MSN: variants seen among roughly 807,000 people sequenced by gnomAD.
The protein encoded by MSN is epididymis luminal protein 70.
MSN carries 2 observed loss-of-function variants against 48.0 expected under a neutral mutation model. That is an observed-to-expected ratio of 0.04 (90% CI 0.02 to 0.13). MSN has a LOEUF of 0.13. Among genes scored for constraint, MSN ranks in the 10% least tolerant of loss-of-function variants. MSN has a pLI of 1.00. For synonymous variants in MSN, 146 were observed against 166.9 expected (o/e 0.87, Z 0.97); for missense variants, 267 against 470.1 (o/e 0.57, Z 3.99).
chrX:65,621,253 A>G (rs2070442468), intron 1 of MSN, among the ~76,000 whole-genome samples: 1 of 111,850 alleles, frequency 8.9e-6, no homozygotes, highest in African/African-American at 3.3e-5. Context: ...ACGTGTGCAA[A>G]CAAGGTTGAT....
At chrX:65,605,595 AGG>A (rs1181943662) in intron 1 of MSN, among the ~76,000 whole-genome samples, 1 of 112,144 alleles carries the variant, frequency 8.9e-6, no homozygotes, top group Non-Finnish European at 1.9e-5. Context: ...CCATCACATG[AGG>A]ACCACAAGCC....
intron 1 of MSN, among the ~76,000 whole-genome samples, chrX:65,679,612 C>T (rs1602784455): frequency 8.9e-6 from 1 of 112,328 alleles, no homozygotes; most frequent in Admixed American, 9.4e-5. Flanking sequence ...GCCTACAAGG[C>T]TGATAGGGAA....
At chrX:65,606,757 G>A (rs1160396966) in intron 1 of MSN, among the ~76,000 whole-genome samples, 1 of 112,685 alleles carries the variant, frequency 8.9e-6, no homozygotes, top group East Asian at 2.8e-4. Flanking sequence ...TAACCTCCAT[G>A]AGAACAGGGA....
intron 1 of MSN, among the ~76,000 whole-genome samples, chrX:65,676,997 A>G (rs1413347281): frequency 9.1e-6 from 1 of 109,783 alleles, no homozygotes; most frequent in African/African-American, 3.3e-5. Flanking sequence ...GCTAATTTTT[A>G]TATTTTTTTT....
At position 65,702,440 on chromosome X, in the gene MSN, C is replaced by T. The variant is rs34559800; in HGVS notation, c.13-14378C>T. 4.8e-3 allele frequency among the ~76,000 whole-genome samples: 505 copies of T among 105,193 alleles called. 4 individuals carry two copies. Among genetic ancestry groups the T allele is most frequent in the South Asian group, 7.6e-3 (17 of 2,233 alleles). The allele number at this position is 105,193 out of a possible 115,157, so 91.3% of individuals were successfully genotyped here. ...CAGCACTTTGGGAGGCAAAGGCGGTCGAATCACTTAAGGCCAGGAGTTCAA... is the reference window on the plus strand; with the variant it reads ...CAGCACTTTGGGAGGCAAAGGCGGTTGAATCACTTAAGGCCAGGAGTTCAA... On this transcript the variant is annotated intron_variant, in intron 1 of 12. Transcript: ENST00000360270.
In MSN at chrX:65,736,885, G is replaced by T. The variant is rs182327269; in HGVS notation, c.1050G>T (p.Arg350Ser). ...GGGAGAAGGAGGAGCTGATGGAGAG[G>T]CTGAAGCAGATCGAGGAACAGACTA... Reference protein sequence around the residue: ...IEREKEELMERLKQIEEQTKK... With the variant: ...IEREKEELMESLKQIEEQTKK... Residue 350 changes from arginine (R) to serine (S), a missense_variant, in exon 9 of 13, where the codon AGG becomes AGT. Physicochemically the swap from Arg to Ser is moderately radical, Grantham distance 110. Transcript: ENST00000360270. 1 of 1,196,847 alleles carries T rather than the reference G, an allele frequency of 8.4e-7. No homozygotes were observed.
chrX:65,662,742 C>G (rs1328674782), upstream of MSN, among the ~76,000 whole-genome samples: 1 of 112,074 alleles, frequency 8.9e-6, no homozygotes, highest in East Asian at 2.8e-4. Context: ...AAATTTTTGT[C>G]TACGTCTCAA....
At chrX:65,661,242 G>A (rs1294006997) in intron 1 of MSN, among the ~76,000 whole-genome samples, 1 of 112,191 alleles carries the variant, frequency 8.9e-6, no homozygotes, top group Non-Finnish European at 1.9e-5. Flanking sequence ...GGGATTACAG[G>A]CATGAGCCAC....
chrX:65,612,086 T>C (rs2070324845), intron 1 of MSN, among the ~76,000 whole-genome samples: 1 of 112,117 alleles, frequency 8.9e-6, no homozygotes, highest in African/African-American at 3.2e-5. Context: ...CCTCCAAAAG[T>C]GTGTTGGAAA....
chrX:65,667,544 C>T, upstream of MSN: 1 of 734,062 alleles, frequency 1.4e-6, no homozygotes. Flanking sequence ...CGGGCCTGGC[C>T]AGGCGGGGCT....
chrX:65,701,884 GA>G (rs1261943817), intron 1 of MSN, among the ~76,000 whole-genome samples: 7 of 111,432 alleles, frequency 6.3e-5, no homozygotes, highest in Non-Finnish European at 1.1e-4. Flanking sequence ...GAGGAGCAGG[GA>G]TAATCCCTGC....
intron 1 of MSN, among the ~76,000 whole-genome samples, chrX:65,695,885 GAGAA>G (rs2071232961): frequency 1.2e-5 from 1 of 83,306 alleles, no homozygotes; most frequent in African/African-American, 2.5e-4. Flanking sequence ...ATGCCTTTGA[GAGAA>G]AGGCATACTT....
At chrX:65,610,484 T>C (rs911541741) in intron 1 of MSN, among the ~76,000 whole-genome samples, 1 of 112,662 alleles carries the variant, frequency 8.9e-6, no homozygotes, top group African/African-American at 3.2e-5. Context: ...ATATACCGTA[T>C]TTTATTTATC....
intron 2 of MSN, among the ~76,000 whole-genome samples, chrX:65,717,755 G>A (rs1225024581): frequency 1.8e-5 from 2 of 111,630 alleles, no homozygotes; most frequent in Non-Finnish European, 3.8e-5. Flanking sequence ...CGATGAAGTG[G>A]AGGTCTGAGT....
At chrX:65,618,402 G>A (rs1451161254) in intron 1 of MSN, among the ~76,000 whole-genome samples, 3 of 111,504 alleles carry the variant, frequency 2.7e-5, no homozygotes, top group African/African-American at 9.8e-5. Context: ...TGTATTGGGT[G>A]CATATATATT....
intron 1 of MSN, among the ~76,000 whole-genome samples, chrX:65,603,862 C>T (rs1037053392): frequency 6.3e-5 from 7 of 111,901 alleles, no homozygotes; most frequent in Non-Finnish European, 1.1e-4. Flanking sequence ...CAGAAGGGAA[C>T]ATATTTGAGA....
chrX:65,650,191 G>A (rs1033205121), intron 1 of MSN, among the ~76,000 whole-genome samples: 1 of 105,673 alleles, frequency 9.5e-6, no homozygotes, highest in Non-Finnish European at 1.9e-5. Flanking sequence ...GGGTTCAAGC[G>A]ATTCTTGCAC....
In MSN at chrX:65,735,251, G is replaced by T; in HGVS notation, c.796-16G>T. On this transcript the variant is annotated splice_polypyrimidine_tract_variant and intron_variant, in intron 7 of 12. Coordinates refer to ENST00000360270, the MANE Select transcript of MSN (RefSeq NM_002444.3). The stretch of plus-strand genomic sequence containing the variant: ...CTGTCCCTCCAAATTCTTTCTGATT[G>T]CTGATTTCCCACCAGGACTTCGTCT... 8.3e-7 allele frequency: 1 copy of T among 1,206,867 alleles called. No homozygotes were observed. Among genetic ancestry groups the T allele is most frequent in the South Asian group, 1.8e-5 (1 of 56,560 alleles).
upstream of MSN, among the ~76,000 whole-genome samples, chrX:65,665,367 T>C (rs2070859544): frequency 8.9e-6 from 1 of 112,089 alleles, no homozygotes; most frequent in African/African-American, 3.2e-5. Context: ...TGAGGCTTTC[T>C]GGTGAGTGCT....
Sources: gnomAD v4.1 joint callset for allele counts (sites outside exome capture counted in the v4.1 genomes callset) on GRCh38, gnomAD v4.1.1 for gene constraint, MANE v1.5 for transcripts, NCBI Gene and HGNC (gene_info 2026-07-23, HGNC 2026-07-21) for gene names.